DLGAP2: variants seen among roughly 807,000 people sequenced by gnomAD.
The protein encoded by DLGAP2 is disks large-associated protein 2.
In DLGAP2, 26 loss-of-function variants were observed where a neutral mutation model predicts 100.3. The observed-to-expected ratio is 0.26, with a 90% CI of 0.19 to 0.36. The LOEUF (loss-of-function observed/expected upper bound fraction) is 0.36, where lower values mean the gene tolerates loss of function less well. Among genes scored for constraint, DLGAP2 ranks in the 10% least tolerant of loss-of-function variants. The pLI, the probability that DLGAP2 is intolerant of heterozygous loss-of-function variation, is 1.00. For missense variants in DLGAP2, 1,858 were observed against 1,453.2 expected, an observed-to-expected ratio of 1.28 and a Z score of -4.53; for synonymous variants, 886 against 630.1, an observed-to-expected ratio of 1.41 and a Z score of -6.08.
intron 4 of DLGAP2, among the ~76,000 whole-genome samples, chr8:1,540,426 T>C (rs919016089): frequency 6.6e-6 from 1 of 152,168 alleles, no homozygotes; most frequent in African/African-American, 2.4e-5. Context: ...GGTTGAGTCA[T>C]TAATGAAAGA....
chr8:1,683,987 T>TATATATATATAC lies in DLGAP2; in HGVS notation c.2704+5359_2704+5360insTATATATATACA, dbSNP rs1178906686. ...ATATATATATATATATATATATATA[T>TATATATATATAC]ACTTTTTTTTTTAAGACGAAGTCTC... On this transcript the variant is annotated intron_variant, in intron 12 of 14. Transcript: ENST00000637795. Among the ~76,000 whole-genome samples, 28 of 99,660 alleles carry TATATATATATAC rather than the reference T, an allele frequency of 2.8e-4. 1 individual carries two copies. Among genetic ancestry groups the TATATATATATAC allele is most frequent in the African/African-American group, 9.6e-4 (26 of 27,014 alleles). 65.4% of individuals were successfully genotyped at this position (99,660 alleles called of 152,430 possible).
At chr8:812,052 C>G (rs1296239062) in intron 1 of DLGAP2, among the ~76,000 whole-genome samples, 3 of 152,150 alleles carry the variant, frequency 2.0e-5, no homozygotes, top group Non-Finnish European at 4.4e-5. Context: ...TCGAGGTTCT[C>G]CAGAGAAACG....
At chr8:1,556,254 G>T (rs180764932) in intron 5 of DLGAP2, among the ~76,000 whole-genome samples, 1 of 152,284 alleles carries the variant, frequency 6.6e-6, no homozygotes, top group East Asian at 1.9e-4. Context: ...AGGTAGATGG[G>T]GTCCGGCTCT....
At chr8:1,244,519 G>T (rs942685508) in intron 2 of DLGAP2, among the ~76,000 whole-genome samples, 2 of 152,112 alleles carry the variant, frequency 1.3e-5, no homozygotes, top group Non-Finnish European at 2.9e-5. Context: ...CTCACCAAAG[G>T]GTCAATATTT....
At chr8:967,456 A>G (rs1799899160) in intron 2 of DLGAP2, among the ~76,000 whole-genome samples, 1 of 152,108 alleles carries the variant, frequency 6.6e-6, no homozygotes, top group Admixed American at 6.5e-5. Flanking sequence ...GAGGCTTAAG[A>G]TGCCCTTAAT....
intron 2 of DLGAP2, among the ~76,000 whole-genome samples, chr8:927,992 G>A (rs984868807): frequency 2.0e-5 from 3 of 152,210 alleles, no homozygotes; most frequent in Non-Finnish European, 4.4e-5. Flanking sequence ...AGGGAAGCAC[G>A]TGTGTGCAGT....
intron 2 of DLGAP2, among the ~76,000 whole-genome samples, chr8:1,029,317 CT>C (rs1424709952): frequency 1.3e-5 from 2 of 152,194 alleles, no homozygotes; most frequent in Non-Finnish European, 2.9e-5. Context: ...AGAGTACAAC[CT>C]GGGACAAATT....
chr8:1,275,671 C>T (rs962122471), intron 3 of DLGAP2, among the ~76,000 whole-genome samples: 1 of 145,338 alleles, frequency 6.9e-6, no homozygotes, highest in African/African-American at 2.5e-5. Context: ...GGAACTTTGT[C>T]CCTGTATGAG....
chr8:1,046,048 C>G (rs534116901), intron 2 of DLGAP2, among the ~76,000 whole-genome samples: 8 of 152,166 alleles, frequency 5.3e-5, no homozygotes, highest in East Asian at 3.9e-4. Flanking sequence ...TCAATTTTGT[C>G]GAAGATTTTT....
intron 2 of DLGAP2, among the ~76,000 whole-genome samples, chr8:1,010,920 C>G (rs1254911908): frequency 1.3e-5 from 2 of 151,722 alleles, no homozygotes; most frequent in African/African-American, 4.8e-5. Flanking sequence ...ACAGTGGGCC[C>G]CAGGCGAGGG....
chr8:1,606,934 C>G (rs898512916), intron 6 of DLGAP2, among the ~76,000 whole-genome samples: 1 of 152,308 alleles, frequency 6.6e-6, no homozygotes, highest in African/African-American at 2.4e-5. Context: ...ATCCACCTAC[C>G]GCAGCCTCCC....
chr8:1,074,986 G>A lies in DLGAP2; in HGVS notation c.73+167020G>A, dbSNP rs369193102. ...CAGTGCAGCAGGGAGTGGTGACCAT[G>A]TCTCACCAACAAACAGTGCAGCCAG... On this transcript the variant is annotated intron_variant, in intron 2 of 14. Coordinates refer to ENST00000637795, the MANE Select transcript of DLGAP2 (RefSeq NM_001346810.2). Among the ~76,000 whole-genome samples the A allele has an allele frequency of 3.0e-4, 45 of 149,962 alleles. No individual in the cohort carries two copies. The Middle Eastern group carries it at 0.01, about 34-fold the overall frequency.
intron 2 of DLGAP2, among the ~76,000 whole-genome samples, chr8:1,133,994 C>T (rs1697887982): frequency 6.6e-6 from 1 of 152,004 alleles, no homozygotes; most frequent in Non-Finnish European, 1.5e-5. Context: ...CCTCCCCCTC[C>T]TCCCCCCTCC....
intron 2 of DLGAP2, chr8:926,959 G>T: frequency 4.4e-6 from 4 of 918,522 alleles, no homozygotes; most frequent in Non-Finnish European, 5.2e-6. Flanking sequence ...TGGGGGTGGG[G>T]ACAGCGTGGG....
intron 3 of DLGAP2, among the ~76,000 whole-genome samples, chr8:1,481,477 T>TTC (rs201053859): frequency 2.3e-4 from 26 of 115,006 alleles, no homozygotes; most frequent in African/African-American, 8.9e-4. Flanking sequence ...TTTTCTTTTT[T>TTC]TTTTTTTTTT....
intron 2 of DLGAP2, among the ~76,000 whole-genome samples, chr8:1,245,188 C>T (rs1798877660): frequency 6.6e-6 from 1 of 152,154 alleles, no homozygotes; most frequent in African/African-American, 2.4e-5. Context: ...GAGGCATTTC[C>T]TCAGAAGTTT....
At chr8:1,350,919 T>A (rs62486259) in intron 3 of DLGAP2, among the ~76,000 whole-genome samples, 261 of 54,528 alleles carry the variant, frequency 4.8e-3, no homozygotes, top group South Asian at 0.013. Context: ...GGGTCCTGAC[T>A]GTGTGTGGAA....
chr8:1,512,494 A>G (rs1032295881), intron 4 of DLGAP2, among the ~76,000 whole-genome samples: 3 of 152,052 alleles, frequency 2.0e-5, no homozygotes, highest in Non-Finnish European at 4.4e-5. Context: ...GGAGTCTAGC[A>G]TGGGAAAATC....
At position 1,541,807 on chromosome 8, in the gene DLGAP2, C is replaced by T. The variant is rs146643582; in HGVS notation, c.173-6819C>T. Among the ~76,000 whole-genome samples the T allele has an allele frequency of 1.7e-3, 255 of 152,304 alleles. 5 individuals carry two copies. The South Asian group carries it at 0.019, about 11-fold the overall frequency. Reference sequence around the variant, plus strand: ...ATTATCGGGTCAGTTAACAGATTTACTAATTTATACCTTGCTTCTTTTCAT... The same window carrying T: ...ATTATCGGGTCAGTTAACAGATTTATTAATTTATACCTTGCTTCTTTTCAT... On this transcript the variant is annotated intron_variant, in intron 4 of 14. Coordinates refer to ENST00000637795, the MANE Select transcript of DLGAP2 (RefSeq NM_001346810.2).
Sources: gnomAD v4.1 joint callset for allele counts (sites outside exome capture counted in the v4.1 genomes callset) on GRCh38, gnomAD v4.1.1 for gene constraint, MANE v1.5 for transcripts, NCBI Gene and HGNC (gene_info 2026-07-23, HGNC 2026-07-21) for gene names.